Variants in GRIK4 observed in about 807,000 individuals in gnomAD.
GRIK4 encodes glutamate receptor ionotropic, kainate 4.
In GRIK4, 40 loss-of-function variants were observed where a neutral mutation model predicts 104.9. That is an observed-to-expected ratio of 0.38 (90% CI 0.30 to 0.50). The LOEUF is 0.50. Among genes scored for constraint, GRIK4 ranks in the 20% least tolerant of loss-of-function variants. The pLI is 0.93. For synonymous variants in GRIK4, 485 were observed against 524.9 expected, an observed-to-expected ratio of 0.92 and a Z score of 1.04; for missense variants, 1,047 against 1,308.1, an observed-to-expected ratio of 0.80 and a Z score of 3.08.
rs1249526442 is a variant in GRIK4, at chr11:120,524,732, G to A, written c.-159+12845G>A. Among the ~76,000 whole-genome samples, 1 of 152,174 alleles carries A rather than the reference G, an allele frequency of 6.6e-6. No individual in the cohort carries two copies. Among genetic ancestry groups the A allele is most frequent in the Non-Finnish European group, 1.5e-5 (1 of 68,028 alleles). On this transcript the variant is annotated intron_variant, in intron 1 of 20. Coordinates refer to ENST00000527524, the MANE Select transcript of GRIK4 (RefSeq NM_014619.5). This position sits in a 1 kb window ranked among gnomAD's most constrained non-coding sequence, Gnocchi z 4.5. ...CTCTGGGAACATGGATTGGACCTGGGGTGCTCCTTCAGACATACCCAGTGT... is the reference window on the plus strand; with the variant it reads ...CTCTGGGAACATGGATTGGACCTGGAGTGCTCCTTCAGACATACCCAGTGT...
intron 9 of GRIK4, chr11:120,871,936 C>G (rs1340440397): frequency 2.2e-6 from 1 of 456,006 alleles, no homozygotes; most frequent in Non-Finnish European, 4.4e-6. Flanking sequence ...TTATCCAGAG[C>G]TGGCTCACCC....
At chr11:120,900,149 A>G (rs1390781442) in intron 12 of GRIK4, among the ~76,000 whole-genome samples, 1 of 152,220 alleles carries the variant, frequency 6.6e-6, no homozygotes, top group Non-Finnish European at 1.5e-5. Flanking sequence ...GGCATTGACG[A>G]TGGGCTCTGA....
At chr11:120,575,945 CAAGATCCTGTCTCTG>C (rs1948477883) in intron 1 of GRIK4, 1 of 150,946 alleles carries the variant, frequency 6.6e-6, no homozygotes, top group African/African-American at 2.4e-5. Flanking sequence ...GGCAACAGAG[CAAGATCCTGTCTCTG>C]AAAAAAAAAA....
chr11:120,822,629 G>A (rs1953156711), intron 6 of GRIK4, among the ~76,000 whole-genome samples: 2 of 152,242 alleles, frequency 1.3e-5, no homozygotes, highest in South Asian at 4.1e-4. Flanking sequence ...GTAGCCACGT[G>A]GCTGGTGGCT....
intron 3 of GRIK4, among the ~76,000 whole-genome samples, chr11:120,662,785 G>A (rs1341203968): frequency 6.6e-6 from 1 of 152,118 alleles, no homozygotes; most frequent in Non-Finnish European, 1.5e-5. Flanking sequence ...TCTCTGAATG[G>A]GGCTGCATGA....
intron 3 of GRIK4, among the ~76,000 whole-genome samples, chr11:120,753,319 G>GTATA (rs746168011): frequency 3.4e-5 from 5 of 147,524 alleles, no homozygotes; most frequent in African/African-American, 1.3e-4. Context: ...GTGTGTGTGT[G>GTATA]TGTGTGTGTG....
chr11:120,640,827 G>C (rs1949461357), intron 1 of GRIK4, among the ~76,000 whole-genome samples: 2 of 151,968 alleles, frequency 1.3e-5, no homozygotes, highest in African/African-American at 2.4e-5. Flanking sequence ...CCCTGCCTCA[G>C]CCTCCTGAGT....
chr11:120,758,101 C>A (rs1291127147), intron 3 of GRIK4, among the ~76,000 whole-genome samples: 1 of 152,194 alleles, frequency 6.6e-6, no homozygotes, highest in Non-Finnish European at 1.5e-5. Flanking sequence ...AGGCTCAGTG[C>A]AGCACAGTCC....
chr11:120,860,450 C>T (rs1471946853), intron 8 of GRIK4, among the ~76,000 whole-genome samples: 2 of 152,120 alleles, frequency 1.3e-5, no homozygotes, highest in African/African-American at 4.8e-5. Context: ...GCCCCACCAG[C>T]GTTATTGCAT....
chr11:120,592,457 T>A (rs1948746437), intron 1 of GRIK4, among the ~76,000 whole-genome samples: 1 of 152,248 alleles, frequency 6.6e-6, no homozygotes, highest in Non-Finnish European at 1.5e-5. Context: ...GTTTCCCAGT[T>A]GATTCTCTCC....
rs139179410 is a variant in GRIK4 at position 120,644,059 on chromosome 11, GGA to G, written c.-158-9605_-158-9604del. Reference sequence around the variant, plus strand: ...TGTGTGTGTGTGAGAGAGAGAGAGAGGAGAGAGAGAGAGAGAGAGAGAAAGTG... The same window carrying G: ...TGTGTGTGTGTGAGAGAGAGAGAGAGGAGAGAGAGAGAGAGAGAGAAAGTG... On this transcript the variant is annotated intron_variant, in intron 1 of 20. Transcript: ENST00000527524. Among the ~76,000 whole-genome samples, 150 of 121,096 alleles carry G rather than the reference GGA, an allele frequency of 1.2e-3. No homozygotes were observed. The East Asian group carries it at 0.012, about 10-fold the overall frequency. 79.4% of individuals were successfully genotyped at this position (121,096 alleles called of 152,430 possible).
chr11:120,658,925 T>G (rs1304067016), intron 2 of GRIK4, among the ~76,000 whole-genome samples: 2 of 151,874 alleles, frequency 1.3e-5, no homozygotes, highest in African/African-American at 2.4e-5. Context: ...ATTTTTTGTA[T>G]TTTTAGTAGA....
chr11:120,750,267 A>C (rs916026209), intron 3 of GRIK4, among the ~76,000 whole-genome samples: 1 of 151,984 alleles, frequency 6.6e-6, no homozygotes, highest in Non-Finnish European at 1.5e-5. Context: ...ACTGAATTGA[A>C]AAAAACAAAT....
chr11:120,771,668 A>G (rs1406558289), intron 3 of GRIK4, among the ~76,000 whole-genome samples: 1 of 152,220 alleles, frequency 6.6e-6, no homozygotes, highest in Non-Finnish European at 1.5e-5. Flanking sequence ...ATGCTATCTC[A>G]GTGGAATCCA....
intron 3 of GRIK4, among the ~76,000 whole-genome samples, chr11:120,692,458 A>G (rs1430889360): frequency 6.6e-6 from 1 of 152,172 alleles, no homozygotes; most frequent in Non-Finnish European, 1.5e-5. Flanking sequence ...GATCTTGACA[A>G]TTCATGTGAC....
intron 3 of GRIK4, among the ~76,000 whole-genome samples, chr11:120,786,295 T>C (rs914934948): frequency 4.7e-5 from 7 of 149,010 alleles, no homozygotes; most frequent in Non-Finnish European, 1.1e-4. Flanking sequence ...CATGTCCAAA[T>C]CCCATGGTCT....
chr11:120,782,574 C>T (rs749833613), intron 3 of GRIK4, among the ~76,000 whole-genome samples: 7 of 152,190 alleles, frequency 4.6e-5, no homozygotes, highest in South Asian at 4.1e-4. Flanking sequence ...CATGAGCCAC[C>T]GCGCCTGGCC....
intron 1 of GRIK4, among the ~76,000 whole-genome samples, chr11:120,616,639 G>A (rs1949118879): frequency 6.6e-6 from 1 of 152,230 alleles, no homozygotes; most frequent in South Asian, 2.1e-4. Context: ...AGGGACTGGA[G>A]ATGGTCATGC....
chr11:120,673,887 T>C (rs765340367), intron 3 of GRIK4, among the ~76,000 whole-genome samples: 2 of 152,218 alleles, frequency 1.3e-5, no homozygotes, highest in Non-Finnish European at 2.9e-5. Context: ...AAAATCTGCA[T>C]GCTGGCAGGG....
Sources: gnomAD v4.1 joint callset for allele counts (sites outside exome capture counted in the v4.1 genomes callset) on GRCh38, gnomAD v4.1.1 for gene constraint, Gnocchi (gnomAD v3.1) non-coding constraint, MANE v1.5 for transcripts, NCBI Gene and HGNC (gene_info 2026-07-23, HGNC 2026-07-21) for gene names.